NEBL: variants seen among roughly 807,000 people sequenced by gnomAD.
NEBL encodes the protein nebulette, also known as LIM and SH3 protein 2.
Under a neutral mutation model 140.2 loss-of-function variants are expected in NEBL, and 122 were observed. The ratio of observed to expected loss-of-function variants is 0.87; its 90% CI spans 0.75 to 1.01. The LOEUF (loss-of-function observed/expected upper bound fraction) is 1.01, where lower values mean the gene tolerates loss of function less well. Ranked by LOEUF, NEBL falls within the 50% of genes least tolerant of loss-of-function variation. The pLI is 0.00. For synonymous variants in NEBL, 436 were observed against 398.9 expected (o/e 1.09, Z -1.11); for missense variants, 1,365 against 1,231.3 (o/e 1.11, Z -1.62).
chr10:20,927,520 G>A (rs1197102589), intron 4 of NEBL, among the ~76,000 whole-genome samples: 1 of 152,194 alleles, frequency 6.6e-6, no homozygotes, highest in Non-Finnish European at 1.5e-5. Context: ...TATAAACTGT[G>A]TATCCTCAAT....
intron 2 of NEBL, chr10:21,029,443 T>C (rs1458652624): frequency 1.5e-5 from 24 of 1,611,494 alleles, no homozygotes; most frequent in African/African-American, 2.7e-5. Flanking sequence ...GGACCTGGAT[T>C]CCCTGCTCAG....
At chr10:21,010,763 C>T (rs566857945) in intron 3 of NEBL, among the ~76,000 whole-genome samples, 29 of 152,262 alleles carry the variant, frequency 1.9e-4, no homozygotes, top group East Asian at 3.9e-4. Flanking sequence ...TGACTTTGAA[C>T]GTAGGTTACT....
At chr10:20,944,582 T>A (rs1031933565) in intron 4 of NEBL, among the ~76,000 whole-genome samples, 9 of 152,318 alleles carry the variant, frequency 5.9e-5, no homozygotes, top group Admixed American at 3.3e-4. Flanking sequence ...GCTAAAGGCA[T>A]ACATATTTAT....
At chr10:21,257,895 A>C (rs1369200061) in intron 1 of NEBL, among the ~76,000 whole-genome samples, 10 of 146,788 alleles carry the variant, frequency 6.8e-5, no homozygotes, top group Non-Finnish European at 1.2e-4. Context: ...ACACACACAC[A>C]CCCCAAAAAA....
chr10:21,003,321 A>AT (rs1275832879), intron 3 of NEBL, among the ~76,000 whole-genome samples: 1 of 152,096 alleles, frequency 6.6e-6, no homozygotes, highest in Non-Finnish European at 1.5e-5. Flanking sequence ...AGCTTTATGG[A>AT]TTAAGCTCAC....
At chr10:21,236,692 T>C (rs969494257) in intron 3 of NEBL, among the ~76,000 whole-genome samples, 1 of 152,116 alleles carries the variant, frequency 6.6e-6, no homozygotes, top group South Asian at 2.1e-4. Context: ...GATTTCCCCA[T>C]GGCCTATCAA....
chr10:20,819,501 G>A lies in NEBL; in HGVS notation c.1978C>T (p.Gln660Ter). The A allele has an allele frequency of 6.2e-7, 1 of 1,613,994 alleles. No homozygotes were observed. The highest frequency in any genetic ancestry group is 8.5e-7 in the Non-Finnish European group (1 of 1,179,926). The change falls in exon 20 of 28, where the codon CAA (glutamine) becomes TAA (stop). Residue 660 changes from glutamine to a stop codon, truncating the protein, a stop_gained. Coordinates refer to ENST00000377122, the MANE Select transcript of NEBL (RefSeq NM_006393.3). LOFTEE classifies it high-confidence loss of function. ...KNISNLQYKE[Q>*]NYKATPVSMT... is the part of the protein sequence containing the mutation. ...CTTACCGGAGTGGCCTTGTAGTTTT[G>A]CTCTTTATACTGGAGCTGAGAGACA...
chr10:20,789,937 A>ATG lies in NEBL; in HGVS notation c.2762-2630_2762-2629insCA, dbSNP rs776466100. Among the ~76,000 whole-genome samples, 6 of 150,312 alleles carry ATG rather than the reference A, an allele frequency of 4.0e-5. No homozygotes were observed. The East Asian group carries it at 9.8e-4, about 25-fold the overall frequency. On this transcript the variant is annotated intron_variant, in intron 26 of 27. Transcript: ENST00000377122. ...TATATATATGTGTGTGTATATGTGT[A>ATG]TATATATATGTGTGTGTATATATAT... is the stretch of plus-strand genomic sequence containing the variant.
intron 9 of NEBL, among the ~76,000 whole-genome samples, chr10:20,852,856 G>A (rs1474985132): frequency 2.0e-5 from 3 of 152,198 alleles, no homozygotes; most frequent in Non-Finnish European, 4.4e-5. Context: ...GTCAGCATAT[G>A]AAACACGCAA....
chr10:21,254,229 C>T (rs747035822), intron 1 of NEBL, among the ~76,000 whole-genome samples: 4 of 152,060 alleles, frequency 2.6e-5, no homozygotes, highest in Non-Finnish European at 5.9e-5. Flanking sequence ...CCTTGAACCA[C>T]TGGGCTCAAG....
At chr10:21,090,064 G>A (rs1039757508) in intron 2 of NEBL, among the ~76,000 whole-genome samples, 2 of 152,094 alleles carry the variant, frequency 1.3e-5, no homozygotes, top group Non-Finnish European at 2.9e-5. Flanking sequence ...TCACAACTCA[G>A]ACCAAACATG....
intron 3 of NEBL, among the ~76,000 whole-genome samples, chr10:21,235,399 C>T (rs907985809): frequency 1.3e-5 from 2 of 152,132 alleles, no homozygotes; most frequent in Admixed American, 6.5e-5. Flanking sequence ...ACTGCAGTGG[C>T]GCGATCTCGG....
chr10:21,120,087 T>G (rs1161301761), intron 2 of NEBL, among the ~76,000 whole-genome samples: 2 of 151,926 alleles, frequency 1.3e-5, no homozygotes, highest in Non-Finnish European at 2.9e-5. Context: ...TTGTTTAAAT[T>G]TAGCCAGGCA....
intron 1 of NEBL, among the ~76,000 whole-genome samples, chr10:21,270,153 A>C (rs1022131316): frequency 6.6e-6 from 1 of 152,204 alleles, no homozygotes; most frequent in Admixed American, 6.5e-5. Context: ...TCTGGTGGAC[A>C]TAAATGATAC....
intron 1 of NEBL, among the ~76,000 whole-genome samples, chr10:21,272,856 T>C (rs923412836): frequency 1.3e-5 from 2 of 152,210 alleles, no homozygotes; most frequent in African/African-American, 4.8e-5. Flanking sequence ...TTTTGCTTTA[T>C]TGATATTATG....
At chr10:20,994,627 C>G (rs1266061265) in intron 3 of NEBL, among the ~76,000 whole-genome samples, 1 of 152,068 alleles carries the variant, frequency 6.6e-6, no homozygotes, top group Admixed American at 6.5e-5. Context: ...ATTTGGTCCC[C>G]CAAAAAACTT....
intron 3 of NEBL, among the ~76,000 whole-genome samples, chr10:20,967,151 A>G (rs915349662): frequency 6.6e-6 from 1 of 151,952 alleles, no homozygotes; most frequent in African/African-American, 2.4e-5. Flanking sequence ...CTGGACCAAC[A>G]TGTTCTTAAT....
At chr10:21,214,576 ACACATG>A (rs1373604079) in intron 3 of NEBL, among the ~76,000 whole-genome samples, 1 of 150,792 alleles carries the variant, frequency 6.6e-6, no homozygotes, top group East Asian at 1.9e-4. Flanking sequence ...ACACACACGC[ACACATG>A]CACATTACAC....
At chr10:21,138,006 G>A (rs947926197) in intron 2 of NEBL, among the ~76,000 whole-genome samples, 2 of 151,790 alleles carry the variant, frequency 1.3e-5, no homozygotes, top group African/African-American at 4.8e-5. Flanking sequence ...GGATGGAGAG[G>A]AGCCCAGCAT....
Sources: allele counts gnomAD v4.1 joint callset (sites outside exome capture counted in the v4.1 genomes callset), GRCh38; gene constraint gnomAD v4.1.1; transcripts MANE v1.5; gene names NCBI Gene and HGNC (gene_info 2026-07-23, HGNC 2026-07-21).